Variants in GPRC5B observed in about 807,000 individuals in gnomAD.
GPRC5B encodes the protein G protein-coupled receptor class C group 5 member B, also known as G protein-coupled receptor family C group 5 member B.
In GPRC5B, 16 loss-of-function variants were observed where a neutral mutation model predicts 30.1. The ratio of observed to expected loss-of-function variants is 0.53; its 90% CI spans 0.36 to 0.81. The LOEUF is 0.81. Among genes scored for constraint, GPRC5B ranks in the 30% least tolerant of loss-of-function variants. The probability of loss-of-function intolerance (pLI) is 0.01; values close to 1 mark genes in which losing one functional copy is unlikely to be tolerated. For synonymous variants in GPRC5B, 241 were observed against 239.5 expected (o/e 1.01, Z -0.06); for missense variants, 428 against 544.7 (o/e 0.79, Z 2.13).
intron 1 of GPRC5B, among the ~76,000 whole-genome samples, chr16:19,877,251 C>G (rs906121001): frequency 6.6e-6 from 1 of 152,188 alleles, no homozygotes; most frequent in Non-Finnish European, 1.5e-5. Flanking sequence ...TCCCCCAGCC[C>G]CTGCTTTTTT....
chr16:19,873,802 C>T (rs1034741756), intron 1 of GPRC5B, among the ~76,000 whole-genome samples: 5 of 152,076 alleles, frequency 3.3e-5, no homozygotes, highest in East Asian at 1.9e-4. Flanking sequence ...TTATTTGAGA[C>T]GGAGTCTGTC....
At chr16:19,873,475 A>C (rs1301781540) in intron 1 of GPRC5B, among the ~76,000 whole-genome samples, 2 of 151,972 alleles carry the variant, frequency 1.3e-5, no homozygotes, top group Non-Finnish European at 2.9e-5. Flanking sequence ...AAAAAAAAAA[A>C]AAAAAACCAA....
At chr16:19,868,287 T>C (rs2056683122) in intron 2 of GPRC5B, among the ~76,000 whole-genome samples, 1 of 151,698 alleles carries the variant, frequency 6.6e-6, no homozygotes, top group Non-Finnish European at 1.5e-5. Context: ...GGCAGGAGAA[T>C]TGCTTGAACC....
At chr16:19,867,989 C>T (rs2056680512) in intron 2 of GPRC5B, among the ~76,000 whole-genome samples, 1 of 152,144 alleles carries the variant, frequency 6.6e-6, no homozygotes, top group African/African-American at 2.4e-5. Flanking sequence ...ATCGCTTGAA[C>T]CCGGGAGGTG....
chr16:19,863,385 A>G (rs1474072732), intron 2 of GPRC5B, among the ~76,000 whole-genome samples: 1 of 149,876 alleles, frequency 6.7e-6, no homozygotes. Flanking sequence ...GACTATATGT[A>G]CTTTCATTAT....
At position 19,872,018 on chromosome 16, in the gene GPRC5B, C is replaced by T. The variant is rs771344760; in HGVS notation, c.828G>A (p.Leu276=). The change falls in exon 2 of 4, where the codon CTG becomes CTA. Residue 276 remains leucine (L), a synonymous_variant. Coordinates refer to ENST00000300571, the MANE Select transcript of GPRC5B (RefSeq NM_016235.3). The surrounding 1 kb of genome is among the most constrained non-coding windows in gnomAD (Gnocchi z 5.0). ...TGACGAAGACCCAGCCGCTGGCCGC[C>T]AGCGTGATGGCCAAGGTGGGGTCGT... is the stretch of plus-strand genomic sequence containing the variant. The part of the protein sequence containing the change: ...AWNDPTLAIT[L]AASGWVFVIF... The T allele has an allele frequency of 8.7e-6, 14 of 1,614,008 alleles. No homozygotes were observed. Among genetic ancestry groups the T allele is most frequent in the Non-Finnish European group, 1.7e-6 (2 of 1,180,028 alleles).
At chr16:19,862,610 A>G (rs2056635690) in intron 2 of GPRC5B, among the ~76,000 whole-genome samples, 1 of 152,124 alleles carries the variant, frequency 6.6e-6, no homozygotes, top group South Asian at 2.1e-4. Flanking sequence ...GGAATCTAAC[A>G]AACAAAAAAA....
Position 19,872,935 on chromosome 16 carries a change from C to T in GPRC5B, c.-1-89G>A, listed in dbSNP as rs558872057. On this transcript the variant is annotated intron_variant, in intron 1 of 3. Transcript: ENST00000300571. This position sits in a 1 kb window ranked among gnomAD's most constrained non-coding sequence, Gnocchi z 5.0. The stretch of plus-strand genomic sequence containing the variant: ...CTCTCCTGACTTCTTGAAGAAGACT[C>T]GCCTCATTTCAAACCTGCAAGCGCA... The T allele has an allele frequency of 1.1e-5, 10 of 941,978 alleles. No individual in the cohort carries two copies. The highest frequency in any genetic ancestry group is 6.5e-5 in the African/African-American group (4 of 61,214). The allele number at this position is 941,978 out of a possible 1,614,324, so 58.4% of individuals were successfully genotyped here. A position where few individuals can be genotyped will look rare whatever the true frequency, so the allele number is the denominator to read the frequency against.
intron 2 of GPRC5B, among the ~76,000 whole-genome samples, chr16:19,865,449 T>C (rs1037418513): frequency 2.0e-5 from 3 of 152,176 alleles, no homozygotes; most frequent in Non-Finnish European, 4.4e-5. Flanking sequence ...TGAAGGAACA[T>C]ACAAGAGATC....
chr16:19,884,083 GC>G (rs1265063443), intron 1 of GPRC5B, among the ~76,000 whole-genome samples: 2 of 132,448 alleles, frequency 1.5e-5, no homozygotes, highest in Admixed American at 7.5e-5. Context: ...AAACGCCACT[GC>G]CCCCCCCGCC....
At chr16:19,876,745 T>TA (rs1328904932) in intron 1 of GPRC5B, among the ~76,000 whole-genome samples, 2 of 152,232 alleles carry the variant, frequency 1.3e-5, no homozygotes, top group African/African-American at 4.8e-5. Context: ...GGGAAATAGA[T>TA]ACACTCTTGC....
intron 2 of GPRC5B, among the ~76,000 whole-genome samples, chr16:19,865,959 C>T (rs227759): frequency 0.57 from 87,374 of 151,964 alleles, 26,679 homozygotes; most frequent in East Asian, 0.84. Flanking sequence ...AGACGGAGTC[C>T]CACTCTGTCG....
chr16:19,879,201 C>T (rs1173495735), intron 1 of GPRC5B, among the ~76,000 whole-genome samples: 1 of 151,864 alleles, frequency 6.6e-6, no homozygotes, highest in African/African-American at 2.4e-5. Flanking sequence ...TTAGAGGTTT[C>T]GAGTCAGCCT....
chr16:19,879,275 G>A (rs1039781316), intron 1 of GPRC5B, among the ~76,000 whole-genome samples: 4 of 152,126 alleles, frequency 2.6e-5, no homozygotes, highest in East Asian at 1.9e-4. Context: ...GCAGGCGTGC[G>A]CTTCTCAAAA....
At position 19,857,083 on chromosome 16, in the gene GPRC5B, C is replaced by G; in HGVS notation, c.*3417G>C. Reference sequence around the variant, plus strand: ...ACAAGATGAGACACTTAAACCCAGACAGATGTAACAAAGGATTTTTGTTGT... The same window carrying G: ...ACAAGATGAGACACTTAAACCCAGAGAGATGTAACAAAGGATTTTTGTTGT... On this transcript the variant is annotated 3_prime_UTR_variant, in exon 4 of 4. Coordinates refer to ENST00000300571, the MANE Select transcript of GPRC5B (RefSeq NM_016235.3). 5.6e-6 allele frequency: 1 copy of G among 179,398 alleles called. No individual in the cohort carries two copies. The highest frequency in any genetic ancestry group is 1.3e-4 in the South Asian group (1 of 7,810). The allele number at this position is 179,398 out of a possible 1,614,324, so 11.1% of individuals were successfully genotyped here.
chr16:19,869,824 C>T (rs2056699379), intron 2 of GPRC5B, among the ~76,000 whole-genome samples: 1 of 152,162 alleles, frequency 6.6e-6, no homozygotes, highest in African/African-American at 2.4e-5. Context: ...GTAATCGCAG[C>T]ACTTTGGGAA....
At chr16:19,863,345 G>A (rs2056641637) in intron 2 of GPRC5B, among the ~76,000 whole-genome samples, 1 of 151,380 alleles carries the variant, frequency 6.6e-6, no homozygotes, top group African/African-American at 2.4e-5. Flanking sequence ...TTTTTTTTTA[G>A]AGACGGGGTC....
chr16:19,858,435 T>C lies in GPRC5B; in HGVS notation c.*2065A>G, dbSNP rs185749161. ...AGCCATTTGTGCTGTGCTCACCTTA[T>C]ATGCTTGGACAATAAAGAACTTAGA... On this transcript the variant is annotated 3_prime_UTR_variant, in exon 4 of 4. Transcript: ENST00000300571. The C allele has an allele frequency of 1.4e-3, 887 of 646,428 alleles. 7 individuals are homozygous for C. Among genetic ancestry groups the C allele is most frequent in the African/African-American group, 0.01 (570 of 55,488 alleles). 40.0% of individuals were successfully genotyped at this position (646,428 alleles called of 1,614,324 possible).
intron 2 of GPRC5B, among the ~76,000 whole-genome samples, chr16:19,866,132 T>C (rs2056664996): frequency 6.6e-6 from 1 of 151,922 alleles, no homozygotes; most frequent in African/African-American, 2.4e-5. Flanking sequence ...TTTTACCATA[T>C]TGGCCAGGCT....
Sources: gnomAD v4.1 joint callset for allele counts (sites outside exome capture counted in the v4.1 genomes callset) on GRCh38, gnomAD v4.1.1 for gene constraint, Gnocchi (gnomAD v3.1) non-coding constraint, MANE v1.5 for transcripts, NCBI Gene and HGNC (gene_info 2026-07-23, HGNC 2026-07-21) for gene names.